MEAF6: variants seen among roughly 807,000 people sequenced by gnomAD.
MEAF6 encodes the protein chromatin modification-related protein MEAF6.
Under a neutral mutation model 28.9 loss-of-function variants are expected in MEAF6, and 15 were observed. The ratio of observed to expected loss-of-function variants is 0.52; its 90% CI spans 0.35 to 0.80. MEAF6 has a LOEUF of 0.80. Among genes scored for constraint, MEAF6 ranks in the 30% least tolerant of loss-of-function variants. The pLI is 0.01. For missense variants in MEAF6, 178 were observed against 237.5 expected, an observed-to-expected ratio of 0.75 and a Z score of 1.65; for synonymous variants, 97 against 88.7, an observed-to-expected ratio of 1.09 and a Z score of -0.53.
At position 37,509,299 on chromosome 1, in the gene MEAF6, G is replaced by A; in HGVS notation, c.319C>T (p.Gln107Ter). 1.2e-6 allele frequency: 2 copies of A among 1,614,028 alleles called. No individual in the cohort carries two copies. The highest frequency in any genetic ancestry group is 1.1e-5 in the South Asian group (1 of 91,082). The change falls in exon 4 of 7, where the codon CAG becomes TAG. Residue 107 changes from glutamine to a stop codon, truncating the protein, a stop_gained. Transcript: ENST00000296214. LOFTEE classifies it high-confidence loss of function. ...TTACTCTTTTCAATGAGCTGGTCCT[G>A]AACTCCTGCCAATGCACTTACTGCC... ...AAAVSALAGV[Q>*]DQLIEKREPG...
intron 2 of MEAF6, among the ~76,000 whole-genome samples, chr1:37,512,307 A>G (rs1382677685): frequency 2.6e-5 from 4 of 152,194 alleles, no homozygotes; most frequent in Non-Finnish European, 5.9e-5. Context: ...TGAAGGGTAC[A>G]AGAGACCATT....
At chr1:37,505,200 A>G (rs1642441525) in intron 4 of MEAF6, among the ~76,000 whole-genome samples, 1 of 152,122 alleles carries the variant, frequency 6.6e-6, no homozygotes, top group Non-Finnish European at 1.5e-5. Flanking sequence ...TCTTCTTTCT[A>G]TGGTCTTCAT....
intron 4 of MEAF6, among the ~76,000 whole-genome samples, chr1:37,507,898 A>G (rs918569543): frequency 1.3e-5 from 2 of 152,188 alleles, no homozygotes; most frequent in Non-Finnish European, 2.9e-5. Context: ...AAATTTAGAA[A>G]TCTGTACATA....
intron 2 of MEAF6, among the ~76,000 whole-genome samples, chr1:37,510,501 C>T (rs1226745269): frequency 6.6e-6 from 1 of 150,458 alleles, no homozygotes; most frequent in Non-Finnish European, 1.5e-5. Context: ...CCTGCCTCAG[C>T]CTCTGAAGTA....
intron 4 of MEAF6, among the ~76,000 whole-genome samples, chr1:37,505,174 G>C (rs148008443): frequency 1.3e-5 from 2 of 152,168 alleles, no homozygotes; most frequent in Non-Finnish European, 2.9e-5. Flanking sequence ...ATGAGCCACC[G>C]TATCTGGCCC....
chr1:37,495,684 CAAAAAAAAAAAACAAAAAACAA>C lies in MEAF6; in HGVS notation c.567+179_567+200del, dbSNP rs1274907095. Among the ~76,000 whole-genome samples, 5 of 70,548 alleles carry C rather than the reference CAAAAAAAAAAAACAAAAAACAA, an allele frequency of 7.1e-5. No homozygotes were observed. The East Asian group carries it at 1.3e-3, about 18-fold the overall frequency. 46.3% of individuals were successfully genotyped at this position (70,548 alleles called of 152,430 possible). A position where few individuals can be genotyped will look rare whatever the true frequency, so the allele number is the denominator to read the frequency against. ...GGTGAAAGAGCAAGAAACTGTCTCT[CAAAAAAAAAAAACAAAAAACAA>C]AAAAAAAAAAAAACAAAAAAACCAC... On this transcript the variant is annotated intron_variant, in intron 6 of 6. Coordinates refer to ENST00000296214, the MANE Select transcript of MEAF6 (RefSeq NM_001270875.3).
rs1055036111 is a variant in MEAF6, at chr1:37,509,759, AATTT to A, written c.207-221_207-218del. On this transcript the variant is annotated intron_variant, in intron 2 of 6. Transcript: ENST00000296214. ...AGTTGCTTCACATGTTCATTTTTTA[AATTT>A]ATTTATTTATTTACTTATTTATTTA... Among the ~76,000 whole-genome samples, 23 of 152,062 alleles carry A rather than the reference AATTT, an allele frequency of 1.5e-4. 1 individual carries two copies. Among genetic ancestry groups the A allele is most frequent in the South Asian group, 1.0e-3 (5 of 4,822 alleles).
At chr1:37,512,170 G>A (rs11264064) in intron 2 of MEAF6, among the ~76,000 whole-genome samples, 27,197 of 152,018 alleles carry the variant, frequency 0.18, 2,635 homozygotes, top group East Asian at 0.39. Context: ...ACTTCATTGT[G>A]GTTACATGAA....
At chr1:37,506,319 A>T (rs1553163275) in intron 4 of MEAF6, among the ~76,000 whole-genome samples, 1 of 152,086 alleles carries the variant, frequency 6.6e-6, no homozygotes, top group Non-Finnish European at 1.5e-5. Context: ...GGTTTCTCAG[A>T]TATGACCAAA....
At chr1:37,505,434 A>C (rs1642449667) in intron 4 of MEAF6, among the ~76,000 whole-genome samples, 1 of 152,206 alleles carries the variant, frequency 6.6e-6, no homozygotes, top group Non-Finnish European at 1.5e-5. Flanking sequence ...ACGGCTTTGA[A>C]TATGGCCCAA....
chr1:37,507,551 G>T (rs534366618), intron 4 of MEAF6, among the ~76,000 whole-genome samples: 20 of 152,038 alleles, frequency 1.3e-4, no homozygotes, highest in Admixed American at 5.2e-4. Context: ...AGTCAAAGAC[G>T]TCTACAGAGT....
Position 37,509,407 on chromosome 1 carries a change from T to C in MEAF6, c.294+48A>G, listed in dbSNP as rs376015722. ...CAGAGGAAGGTAAAGAAAAAACACA[T>C]TCCCCAACAACAGGCCAAAGAAAGA... On this transcript the variant is annotated intron_variant, in intron 3 of 6. Coordinates refer to ENST00000296214, the MANE Select transcript of MEAF6 (RefSeq NM_001270875.3). 21 of 1,608,510 alleles carry C rather than the reference T, an allele frequency of 1.3e-5. No homozygotes were observed. The Admixed American group carries it at 1.7e-4, about 13-fold the overall frequency.
chr1:37,509,573 C>T, intron 2 of MEAF6, 31 bp from the exon 3 acceptor site: 1 of 1,584,098 alleles, frequency 6.3e-7, no homozygotes, highest in Non-Finnish European at 8.7e-7. Flanking sequence ...ATTATGAGCA[C>T]CAAGCTATGT....
chr1:37,495,838 A>T (rs753433816), intron 6 of MEAF6, 47 bp downstream of exon 6: 1 of 1,600,344 alleles, frequency 6.2e-7, no homozygotes, highest in Non-Finnish European at 8.6e-7. Context: ...TTTTCTAATC[A>T]TCTACAAAAT....
intron 4 of MEAF6, among the ~76,000 whole-genome samples, chr1:37,504,772 CAAAAAAA>C (rs1207977254): frequency 4.7e-5 from 2 of 42,158 alleles, no homozygotes; most frequent in East Asian, 6.8e-4. Context: ...GACTCCATCT[CAAAAAAA>C]AAAAAAAAAA....
intron 6 of MEAF6, 64 bp from the exon 7 acceptor site, chr1:37,494,171 A>G (rs1642034983): frequency 8.2e-7 from 1 of 1,225,496 alleles, no homozygotes; most frequent in Admixed American, 2.2e-5. Flanking sequence ...ACCCTAAAGG[A>G]AAAAAAAAAT....
intron 5 of MEAF6, among the ~76,000 whole-genome samples, chr1:37,497,455 C>T (rs1056413984): frequency 6.6e-6 from 1 of 152,100 alleles, no homozygotes; most frequent in African/African-American, 2.4e-5. Flanking sequence ...GAATAAACTT[C>T]AGTGGTGGAA....
intron 4 of MEAF6, among the ~76,000 whole-genome samples, chr1:37,508,570 C>T (rs1049611653): frequency 7.2e-5 from 11 of 152,162 alleles, no homozygotes; most frequent in African/African-American, 2.2e-4. Context: ...CAGGTGTGAG[C>T]CACTGCACTG....
intron 2 of MEAF6, among the ~76,000 whole-genome samples, chr1:37,510,711 A>G (rs1261949598): frequency 6.7e-6 from 1 of 149,004 alleles, no homozygotes; most frequent in African/African-American, 2.5e-5. Flanking sequence ...TATCTATTTT[A>G]CCTTATTTAC....
Sources: allele counts gnomAD v4.1 joint callset (sites outside exome capture counted in the v4.1 genomes callset), GRCh38; gene constraint gnomAD v4.1.1; transcripts MANE v1.5; gene names NCBI Gene and HGNC (gene_info 2026-07-23, HGNC 2026-07-21).